CREB1: variants seen among roughly 807,000 people sequenced by gnomAD.
CREB1 encodes cAMP responsive element binding protein 1.
CREB1 carries 2 observed loss-of-function variants against 42.0 expected under a neutral mutation model. The observed-to-expected ratio is 0.05, with a 90% CI of 0.02 to 0.15. CREB1 has a LOEUF of 0.15. Ranked by LOEUF, CREB1 falls within the 10% of genes least tolerant of loss-of-function variation. CREB1 has a pLI of 1.00. For missense variants in CREB1, 199 were observed against 388.9 expected (o/e 0.51, Z 4.11); for synonymous variants, 123 against 139.9 (o/e 0.88, Z 0.85).
At position 207,560,227 on chromosome 2, in the gene CREB1, T is replaced by C; in HGVS notation, c.116T>C (p.Val39Ala). The C allele has an allele frequency of 6.2e-7, 1 of 1,605,338 alleles. No individual in the cohort carries two copies. The highest frequency in any genetic ancestry group is 8.5e-7 in the Non-Finnish European group (1 of 1,173,636). ...TCTTTTCTGTGTTCAACACCATAGG[T>C]ATCTATGCCAGCAGCTCATGCAACA... ...AQPQIATLAQ[V>A]SMPAAHATSS... is the part of the protein sequence containing the mutation. The change falls in exon 3 of 8, where the codon GTA (valine) becomes GCA (alanine). Residue 39 changes from valine (V) to alanine (A), a missense_variant and splice_region_variant. Around this residue, in one of 4 missense-constraint regions of CREB1, gnomAD observed 53 missense variants for 57.1 expected, o/e 0.93. Transcript: ENST00000353267.
At position 207,597,115 on chromosome 2, in the gene CREB1, C is replaced by G; in HGVS notation, c.*57C>G. The G allele has an allele frequency of 6.7e-7, 1 of 1,496,874 alleles. No homozygotes were observed. The highest frequency in any genetic ancestry group is 8.9e-7 in the Non-Finnish European group (1 of 1,120,678). 92.7% of individuals were successfully genotyped at this position (1,496,874 alleles called of 1,614,324 possible). A position where few individuals can be genotyped will look rare whatever the true frequency, so the allele number is the denominator to read the frequency against. ...GAAAATGGACTGGCTTGGCCACAACCTGAAAGACAAAATAAACATTTTATT... is the reference window on the plus strand; with the variant it reads ...GAAAATGGACTGGCTTGGCCACAACGTGAAAGACAAAATAAACATTTTATT... On this transcript the variant is annotated 3_prime_UTR_variant, in exon 8 of 8. Coordinates refer to ENST00000353267, the MANE Select transcript of CREB1 (RefSeq NM_004379.5).
intron 5 of CREB1, among the ~76,000 whole-genome samples, chr2:207,572,099 G>A (rs575665788): frequency 5.3e-5 from 8 of 151,964 alleles, no homozygotes; most frequent in Non-Finnish European, 8.8e-5. Context: ...AGTGGCGGAC[G>A]CCTGTAATCC....
chr2:207,595,794 C>T (rs776971186), intron 7 of CREB1, among the ~76,000 whole-genome samples: 12 of 152,142 alleles, frequency 7.9e-5, no homozygotes, highest in Non-Finnish European at 1.8e-4. Context: ...TTCTTGAACA[C>T]ATGGGTTCAA....
At chr2:207,544,971 G>T (rs1014857797) in intron 1 of CREB1, among the ~76,000 whole-genome samples, 3 of 152,144 alleles carry the variant, frequency 2.0e-5, no homozygotes, top group Non-Finnish European at 4.4e-5. Context: ...TCATTGATGG[G>T]CATTTAGGTT....
intron 1 of CREB1, among the ~76,000 whole-genome samples, chr2:207,536,243 G>A (rs1430420238): frequency 6.6e-6 from 1 of 152,122 alleles, no homozygotes; most frequent in Admixed American, 6.6e-5. Context: ...TCTCTTTCCA[G>A]AAAACATCAT....
At chr2:207,535,457 A>G (rs2080829985) in intron 1 of CREB1, among the ~76,000 whole-genome samples, 1 of 152,114 alleles carries the variant, frequency 6.6e-6, no homozygotes, top group African/African-American at 2.4e-5. Context: ...CTCATGGGAT[A>G]TTATTACCCA....
chr2:207,578,754 TG>T (rs201127373), intron 7 of CREB1, among the ~76,000 whole-genome samples: 3,053 of 152,224 alleles, frequency 0.02, 47 homozygotes, highest in Non-Finnish European at 0.03. Context: ...GAGATTTTTC[TG>T]GGATATTAGA....
At chr2:207,550,863 T>C (rs943543099) in intron 1 of CREB1, among the ~76,000 whole-genome samples, 2 of 152,148 alleles carry the variant, frequency 1.3e-5, no homozygotes, top group Non-Finnish European at 2.9e-5. Context: ...TTCCCAGCTT[T>C]ATTTTTCTAC....
At chr2:207,544,709 T>G (rs2081231735) in intron 1 of CREB1, among the ~76,000 whole-genome samples, 1 of 152,016 alleles carries the variant, frequency 6.6e-6, no homozygotes, top group African/African-American at 2.4e-5. Flanking sequence ...ATGCTCTTCC[T>G]CCTCCCACCC....
intron 7 of CREB1, among the ~76,000 whole-genome samples, chr2:207,593,365 A>G (rs1255329914): frequency 6.6e-6 from 1 of 152,148 alleles, no homozygotes; most frequent in Non-Finnish European, 1.5e-5. Context: ...GTCTCTACAA[A>G]AAATAATAAA....
chr2:207,561,243 C>A, intron 3 of CREB1: 2 of 1,255,150 alleles, frequency 1.6e-6, no homozygotes, highest in Non-Finnish European at 1.1e-6. Flanking sequence ...TGTCCTTTTC[C>A]TCTATAAACA....
At chr2:207,592,232 CCTCT>C (rs1472819429) in intron 7 of CREB1, among the ~76,000 whole-genome samples, 2 of 151,792 alleles carry the variant, frequency 1.3e-5, no homozygotes, top group African/African-American at 4.8e-5. Context: ...ATGGTGAAAC[CCTCT>C]CTCTACTAAA....
At chr2:207,574,140 C>A (rs997975119) in intron 5 of CREB1, among the ~76,000 whole-genome samples, 1 of 152,214 alleles carries the variant, frequency 6.6e-6, no homozygotes. Flanking sequence ...AGGCAGTAAT[C>A]AATTTTCCAT....
intron 1 of CREB1, among the ~76,000 whole-genome samples, chr2:207,546,812 T>C (rs1426304122): frequency 1.3e-5 from 2 of 152,208 alleles, no homozygotes; most frequent in Non-Finnish European, 2.9e-5. Context: ...TTGTCAGTTT[T>C]AAAGATTAAC....
chr2:207,534,511 T>C (rs1166207894), intron 1 of CREB1: 1 of 152,238 alleles, frequency 6.6e-6, no homozygotes, highest in African/African-American at 2.4e-5. Context: ...TGTTACTTTT[T>C]AAATTATTTA....
intron 1 of CREB1, among the ~76,000 whole-genome samples, chr2:207,553,976 A>G (rs931002394): frequency 1.2e-4 from 18 of 152,098 alleles, no homozygotes; most frequent in African/African-American, 4.1e-4. Context: ...ATTTTTTTTC[A>G]TGGTTACAAT....
At chr2:207,582,019 C>T in intron 7 of CREB1, 1 of 698,666 alleles carries the variant, frequency 1.4e-6, no homozygotes, top group South Asian at 1.5e-5. Flanking sequence ...CTCATAACAT[C>T]ACATCCGGGA....
rs1174827068 is a variant in CREB1, at chr2:207,604,908, C to T, written c.*7850C>T. Among the ~76,000 whole-genome samples the T allele has an allele frequency of 6.6e-6, 1 of 152,166 alleles. No homozygotes were observed. The highest frequency in any genetic ancestry group is 1.5e-5 in the Non-Finnish European group (1 of 68,034). On this transcript the variant is annotated 3_prime_UTR_variant, in exon 8 of 8. Coordinates refer to ENST00000353267, the MANE Select transcript of CREB1 (RefSeq NM_004379.5). ...TGTAACATGTTATCACTACTTCATT[C>T]CTTTTTATAGCTAAGTATACTTTTT...
At chr2:207,553,255 G>A in intron 1 of CREB1, among the ~76,000 whole-genome samples, 1 of 151,358 alleles carries the variant, frequency 6.6e-6, no homozygotes, top group East Asian at 2.0e-4. Context: ...TTTTAGTAGA[G>A]ATGAGGTTTC....
Sources: allele counts gnomAD v4.1 joint callset (sites outside exome capture counted in the v4.1 genomes callset), GRCh38; gene constraint gnomAD v4.1.1; regional missense constraint gnomAD v4.1.1; transcripts MANE v1.5; gene names NCBI Gene and HGNC (gene_info 2026-07-23, HGNC 2026-07-21).